The following DYNLRB2 variants were observed in gnomAD, a reference collection of about 807,000 sequenced individuals.
DYNLRB2 encodes dynein light chain roadblock-type 2.
DYNLRB2 carries 14 observed loss-of-function variants against 12.6 expected under a neutral mutation model. The observed-to-expected ratio is 1.11, with a 90% CI of 0.73 to 1.73. DYNLRB2 has a LOEUF of 1.73. Ranked by LOEUF, DYNLRB2 falls within the 40% of genes most tolerant of loss-of-function variation. The pLI is 0.00. For synonymous variants in DYNLRB2, 53 were observed against 37.0 expected, an observed-to-expected ratio of 1.43 and a Z score of -1.57; for missense variants, 142 against 117.7, an observed-to-expected ratio of 1.21 and a Z score of -0.95.
chr16:80,548,386 G>C (rs1410210800), intron 2 of DYNLRB2, among the ~76,000 whole-genome samples: 1 of 152,064 alleles, frequency 6.6e-6, no homozygotes, highest in Non-Finnish European at 1.5e-5. Flanking sequence ...TATTCTTCTG[G>C]CTAGAATTTT....
chr16:80,541,092 T>G lies in DYNLRB2; in HGVS notation c.3+13T>G. ...GGCCTCCGCGATGGTAAATCTGGGGTCTCCGTCCACGCCCCGCCGTTCCAA... is the reference window on the plus strand; with the variant it reads ...GGCCTCCGCGATGGTAAATCTGGGGGCTCCGTCCACGCCCCGCCGTTCCAA... On this transcript the variant is annotated intron_variant, in intron 1 of 3. Transcript: ENST00000305904. The G allele has an allele frequency of 6.2e-7, 1 of 1,603,204 alleles. No homozygotes were observed. Among genetic ancestry groups the G allele is most frequent in the South Asian group, 1.1e-5 (1 of 89,930 alleles).
At chr16:80,548,364 A>G (rs1904611192) in intron 2 of DYNLRB2, among the ~76,000 whole-genome samples, 1 of 152,216 alleles carries the variant, frequency 6.6e-6, no homozygotes, top group South Asian at 2.1e-4. Flanking sequence ...ACTGAATTGA[A>G]TTACACTTGC....
chr16:80,546,474 T>C (rs1300388763), intron 2 of DYNLRB2, among the ~76,000 whole-genome samples: 2 of 152,230 alleles, frequency 1.3e-5, no homozygotes, highest in East Asian at 3.8e-4. Context: ...TGCCATTTTA[T>C]ATATAGTCCT....
At chr16:80,549,123 A>T (rs1904673502) in intron 2 of DYNLRB2, 2 of 413,456 alleles carry the variant, frequency 4.8e-6, no homozygotes, top group South Asian at 3.5e-5. Flanking sequence ...AGCTATAAAA[A>T]ATATAAGGTA....
chr16:80,547,850 T>A (rs1309001067), intron 2 of DYNLRB2: 4 of 456,490 alleles, frequency 8.8e-6, no homozygotes, highest in Non-Finnish European at 1.8e-5. Flanking sequence ...TTAGCAAGGT[T>A]TTTATTATGC....
At chr16:80,541,741 A>G (rs1279615464) in intron 1 of DYNLRB2, among the ~76,000 whole-genome samples, 1 of 152,134 alleles carries the variant, frequency 6.6e-6, no homozygotes, top group African/African-American at 2.4e-5. Flanking sequence ...TGGAAAGGCC[A>G]GGGAAAGAAA....
intron 3 of DYNLRB2, 134 bp from the exon 4 acceptor site, chr16:80,550,381 C>G: frequency 1.1e-6 from 1 of 918,616 alleles, no homozygotes; most frequent in African/African-American, 1.7e-5. Context: ...GTAATTCATA[C>G]GTGCAGATAG....
intron 2 of DYNLRB2, among the ~76,000 whole-genome samples, chr16:80,545,948 C>A (rs1480557829): frequency 1.3e-5 from 2 of 151,910 alleles, no homozygotes; most frequent in African/African-American, 4.8e-5. Flanking sequence ...GGATTACAGG[C>A]GTGAGCCACC....
intron 2 of DYNLRB2, 47 bp from the exon 3 acceptor site, chr16:80,549,437 C>G: frequency 6.6e-7 from 1 of 1,511,670 alleles, no homozygotes; most frequent in Admixed American, 1.9e-5. Context: ...GTACTTATTA[C>G]TTTTCTAATC....
chr16:80,546,330 G>C (rs1904465564), intron 2 of DYNLRB2, among the ~76,000 whole-genome samples: 1 of 152,114 alleles, frequency 6.6e-6, no homozygotes, highest in African/African-American at 2.4e-5. Flanking sequence ...TAACTAAGAT[G>C]GTGTTTTATG....
intron 1 of DYNLRB2, among the ~76,000 whole-genome samples, chr16:80,542,435 A>G (rs1904296424): frequency 6.6e-6 from 1 of 152,228 alleles, no homozygotes; most frequent in African/African-American, 2.4e-5. Flanking sequence ...AAGGAAAACT[A>G]TCTTGAAGTA....
At chr16:80,549,400 A>G (rs1381203780) in intron 2 of DYNLRB2, 84 bp from the exon 3 acceptor site, 2 of 1,313,052 alleles carry the variant, frequency 1.5e-6, no homozygotes, top group Non-Finnish European at 2.0e-6. Flanking sequence ...CTTTACAACT[A>G]TCAGTGTTTT....
chr16:80,541,174 G>T, intron 1 of DYNLRB2, 95 bp downstream of exon 1: 1 of 1,503,662 alleles, frequency 6.7e-7, no homozygotes, highest in Non-Finnish European at 8.9e-7. Context: ...CCAGGCACGG[G>T]CGGTCCAGGG....
chr16:80,540,791 G>T (rs1278266258), upstream of DYNLRB2: 4 of 704,466 alleles, frequency 5.7e-6, no homozygotes, highest in East Asian at 1.1e-4. Context: ...ACACAGGCCG[G>T]GAGCCTGACC....
At chr16:80,541,651 C>A (rs920133343) in intron 1 of DYNLRB2, among the ~76,000 whole-genome samples, 1 of 129,286 alleles carries the variant, frequency 7.7e-6, no homozygotes, top group Non-Finnish European at 1.5e-5. Context: ...AAGAATGAAA[C>A]GGGGATTGGA....
In DYNLRB2 at chr16:80,547,906, T is replaced by C. The variant is rs113530234; in HGVS notation, c.80-1578T>C. 3,664 of 446,310 alleles carry C rather than the reference T, an allele frequency of 8.2e-3. 105 individuals are homozygous for C. The highest frequency in any genetic ancestry group is 0.067 in the African/African-American group (3,338 of 49,592). 27.6% of individuals were successfully genotyped at this position (446,310 alleles called of 1,614,324 possible). A position where few individuals can be genotyped will look rare whatever the true frequency, so the allele number is the denominator to read the frequency against. ...TCCTGTAAATATTATCCTCATACTG[T>C]TTAGCAAAACATTCTGGACATAGCA... is the stretch of plus-strand genomic sequence containing the variant. On this transcript the variant is annotated intron_variant, in intron 2 of 3. Transcript: ENST00000305904.
At chr16:80,543,404 G>T in intron 2 of DYNLRB2, 53 bp downstream of exon 2, 1 of 1,577,294 alleles carries the variant, frequency 6.3e-7, no homozygotes, top group Non-Finnish European at 8.7e-7. Context: ...CCAGGAACCT[G>T]TTTGCCGTGT....
chr16:80,547,693 G>T, intron 2 of DYNLRB2: 1 of 452,014 alleles, frequency 2.2e-6, no homozygotes, highest in Non-Finnish European at 4.5e-6. Context: ...AAATAAAACT[G>T]CTCGTCAAAA....
At chr16:80,547,948 G>A (rs2142313166) in intron 2 of DYNLRB2, 4 of 327,298 alleles carry the variant, frequency 1.2e-5, no homozygotes, top group South Asian at 9.4e-5. Flanking sequence ...TTAAAAGAAA[G>A]AGAAATCAGT....
Sources: gnomAD v4.1 joint callset for allele counts (sites outside exome capture counted in the v4.1 genomes callset) on GRCh38, gnomAD v4.1.1 for gene constraint, MANE v1.5 for transcripts, NCBI Gene and HGNC (gene_info 2026-07-23, HGNC 2026-07-21) for gene names.